The following GRIA4 variants were observed in gnomAD, a reference collection of about 807,000 sequenced individuals.
The protein encoded by GRIA4 is glutamate ionotropic receptor AMPA type subunit 4.
In GRIA4, 34 loss-of-function variants were observed where a neutral mutation model predicts 104.0. The ratio of observed to expected loss-of-function variants is 0.33; its 90% confidence interval spans 0.25 to 0.44. The LOEUF (loss-of-function observed/expected upper bound fraction) is 0.44. GRIA4 is among the 20% of genes least tolerant of loss of function. GRIA4 has a pLI of 1.00. For missense variants in GRIA4, 750 were observed against 1,096.5 expected (o/e 0.68, Z 4.46); for synonymous variants, 386 against 381.9 (o/e 1.01, Z -0.13).
intron 3 of GRIA4, among the ~76,000 whole-genome samples, chr11:105,657,045 A>C (rs1425757015): frequency 6.6e-6 from 1 of 152,028 alleles, no homozygotes; most frequent in Non-Finnish European, 1.5e-5. Flanking sequence ...TCCAGAAAAA[A>C]AAAGGGTTAA....
intron 14 of GRIA4, among the ~76,000 whole-genome samples, chr11:105,936,151 C>T (rs1413247203): frequency 1.3e-5 from 2 of 152,104 alleles, no homozygotes; most frequent in African/African-American, 4.8e-5. Context: ...GCCATCTAAG[C>T]GGGAGACTCA....
rs144473069 is a variant in GRIA4, at chr11:105,819,781, T to A, written c.488-42243T>A. Among the ~76,000 whole-genome samples, 108 of 152,262 alleles carry A rather than the reference T, an allele frequency of 7.1e-4. 1 individual carries two copies. Among genetic ancestry groups the A allele is most frequent in the Middle Eastern group, 6.8e-3 (2 of 294 alleles). On this transcript the variant is annotated intron_variant, in intron 4 of 16. Transcript: ENST00000282499. ...ATTATCTCTGATATGCATTGAACTG[T>A]GTTCATCTAAAAAATGATATGTTGA...
chr11:105,869,196 A>G (rs1049477078), intron 5 of GRIA4, among the ~76,000 whole-genome samples: 1 of 152,142 alleles, frequency 6.6e-6, no homozygotes, highest in Non-Finnish European at 1.5e-5. Context: ...AAGTTTTTTC[A>G]AGGAAGAAGA....
chr11:105,673,602 G>T (rs970581497), intron 3 of GRIA4, among the ~76,000 whole-genome samples: 3 of 151,934 alleles, frequency 2.0e-5, no homozygotes, highest in Non-Finnish European at 4.4e-5. Context: ...GTAGAACATG[G>T]AAATATCTTG....
At chr11:105,875,751 G>C (rs944587399) in intron 5 of GRIA4, among the ~76,000 whole-genome samples, 2 of 152,102 alleles carry the variant, frequency 1.3e-5, no homozygotes, top group African/African-American at 4.8e-5. Context: ...TGTGGAATTA[G>C]TGGTGATATC....
At chr11:105,713,905 T>G (rs1008972134) in intron 3 of GRIA4, among the ~76,000 whole-genome samples, 1 of 152,316 alleles carries the variant, frequency 6.6e-6, no homozygotes, top group Middle Eastern at 3.4e-3. Context: ...CACTTCTGTG[T>G]GTGCTGGCAG....
At chr11:105,910,210 A>G (rs1233906573) in intron 9 of GRIA4, among the ~76,000 whole-genome samples, 1 of 152,154 alleles carries the variant, frequency 6.6e-6, no homozygotes, top group Non-Finnish European at 1.5e-5. Flanking sequence ...TATTGTAAAC[A>G]GTAAATTTGC....
chr11:105,671,849 T>C (rs1021611280), intron 3 of GRIA4, among the ~76,000 whole-genome samples: 24 of 152,162 alleles, frequency 1.6e-4, no homozygotes, highest in Non-Finnish European at 1.3e-4. Flanking sequence ...CTGTTAAAAA[T>C]GTACATTCCC....
intron 14 of GRIA4, among the ~76,000 whole-genome samples, chr11:105,939,160 T>C (rs1246518355): frequency 6.6e-6 from 1 of 152,200 alleles, no homozygotes; most frequent in Admixed American, 6.5e-5. Flanking sequence ...ATTCAACAAA[T>C]GACTCCTGAG....
intron 4 of GRIA4, among the ~76,000 whole-genome samples, chr11:105,796,675 A>C (rs2135822553): frequency 1.3e-5 from 2 of 152,310 alleles, no homozygotes; most frequent in East Asian, 3.9e-4. Context: ...AGTAACATTA[A>C]GAAAGAAAAG....
At chr11:105,926,994 A>T in intron 13 of GRIA4, 55 bp downstream of exon 13, 1 of 1,201,884 alleles carries the variant, frequency 8.3e-7, no homozygotes, top group African/African-American at 1.5e-5. Context: ...AATTCAGGCA[A>T]TTTTTCCAAC....
intron 14 of GRIA4, among the ~76,000 whole-genome samples, chr11:105,961,652 A>G (rs1948747660): frequency 6.6e-6 from 1 of 152,194 alleles, no homozygotes; most frequent in African/African-American, 2.4e-5. Flanking sequence ...AAAACCTGCA[A>G]TCTAAAACAT....
intron 14 of GRIA4, among the ~76,000 whole-genome samples, chr11:105,942,368 T>A (rs1283889535): frequency 6.6e-6 from 1 of 152,122 alleles, no homozygotes; most frequent in Middle Eastern, 3.2e-3. Flanking sequence ...AAGATTATGC[T>A]TAAATTTGGC....
At chr11:105,840,040 A>G (rs1219042359) in intron 4 of GRIA4, among the ~76,000 whole-genome samples, 4 of 152,196 alleles carry the variant, frequency 2.6e-5, no homozygotes, top group African/African-American at 9.6e-5. Context: ...TAGATTGTTT[A>G]TGTTACTATT....
intron 14 of GRIA4, among the ~76,000 whole-genome samples, chr11:105,957,480 T>C (rs1174452240): frequency 2.0e-5 from 3 of 152,210 alleles, no homozygotes; most frequent in South Asian, 2.1e-4. Context: ...ATCTCCGTTT[T>C]GGTACCAGTA....
At chr11:105,695,445 CGTGTGTGTGTGTGTCTGT>C (rs1381260720) in intron 3 of GRIA4, among the ~76,000 whole-genome samples, 57 of 144,140 alleles carry the variant, frequency 4.0e-4, no homozygotes, top group African/African-American at 1.1e-3. Flanking sequence ...TGTATGCGTG[CGTGTGTGTGTGTGTCTGT>C]GTGTGTGTGT....
intron 4 of GRIA4, among the ~76,000 whole-genome samples, chr11:105,855,612 A>C (rs1373394758): frequency 1.3e-5 from 2 of 152,126 alleles, no homozygotes; most frequent in Non-Finnish European, 2.9e-5. Context: ...TTTGAGTTTA[A>C]AATTATTCAA....
At chr11:105,882,458 T>G (rs1344809457) in intron 5 of GRIA4, among the ~76,000 whole-genome samples, 2 of 152,220 alleles carry the variant, frequency 1.3e-5, no homozygotes, top group African/African-American at 2.4e-5. Context: ...AAAATCTGAT[T>G]GTGGATTAAA....
chr11:105,773,494 G>A (rs1207175427), intron 4 of GRIA4, among the ~76,000 whole-genome samples: 4 of 152,074 alleles, frequency 2.6e-5, no homozygotes, highest in Admixed American at 2.0e-4. Context: ...AAATTATAGA[G>A]TTTTAAAATA....
Sources: allele counts gnomAD v4.1 joint callset (sites outside exome capture counted in the v4.1 genomes callset), GRCh38; gene constraint gnomAD v4.1.1; transcripts MANE v1.5; gene names NCBI Gene and HGNC (gene_info 2026-07-23, HGNC 2026-07-21).